Variants in AOAH observed in about 807,000 individuals in gnomAD.
AOAH encodes the protein acyloxyacyl hydrolase (neutrophil).
A neutral mutation model predicts 92.2 loss-of-function variants in AOAH; 64 were observed. The observed-to-expected ratio is 0.69, with a 90% CI of 0.57 to 0.86. The LOEUF is 0.86. Among genes scored for constraint, AOAH ranks in the 40% least tolerant of loss-of-function variants. The pLI is 0.00. For synonymous variants in AOAH, 263 were observed against 254.5 expected (o/e 1.03, Z -0.32); for missense variants, 656 against 694.6 (o/e 0.94, Z 0.62).
rs1237803756 is a variant in AOAH at position 36,522,233 on chromosome 7, G to T, written c.1523-118C>A. On this transcript the variant is annotated intron_variant, in intron 19 of 20. Transcript: ENST00000617537. The stretch of plus-strand genomic sequence containing the variant: ...CCGGGCCCATGTTGACCAAGCCACG[G>T]CTGCCTCTGAGCTGCTCTCTTGCAC... 1.4e-5 allele frequency: 11 copies of T among 805,144 alleles called. No homozygotes were observed. The East Asian group carries it at 2.9e-4, about 21-fold the overall frequency. 49.9% of individuals were successfully genotyped at this position (805,144 alleles called of 1,614,324 possible).
At chr7:36,549,090 C>T (rs1332822455) in intron 14 of AOAH, among the ~76,000 whole-genome samples, 1 of 152,170 alleles carries the variant, frequency 6.6e-6, no homozygotes, top group East Asian at 1.9e-4. Flanking sequence ...GCAAAGGCTT[C>T]TTGAGGCTTC....
chr7:36,581,465 G>A (rs2392449), intron 12 of AOAH, among the ~76,000 whole-genome samples: 66,844 of 152,002 alleles, frequency 0.44, 15,048 homozygotes, highest in Admixed American at 0.53. Flanking sequence ...TATACACTGC[G>A]TCACTTATGC....
chr7:36,588,504 G>C (rs1583883629), intron 12 of AOAH, among the ~76,000 whole-genome samples: 1 of 152,324 alleles, frequency 6.6e-6, no homozygotes, highest in East Asian at 1.9e-4. Flanking sequence ...CTAATCATTT[G>C]CAATTATATC....
chr7:36,678,589 GTGTGTGTGTGT>G (rs1562688078), intron 2 of AOAH, among the ~76,000 whole-genome samples: 1 of 137,042 alleles, frequency 7.3e-6, no homozygotes, highest in Non-Finnish European at 1.5e-5. Flanking sequence ...GTGTGTGTGT[GTGTGTGTGTGT>G]GCGCGCGCGC....
intron 13 of AOAH, among the ~76,000 whole-genome samples, chr7:36,563,771 A>G (rs1295908245): frequency 6.6e-6 from 1 of 152,178 alleles, no homozygotes; most frequent in East Asian, 1.9e-4. Context: ...CAGGAGAATG[A>G]TTTGTACAAT....
intron 2 of AOAH, among the ~76,000 whole-genome samples, chr7:36,675,555 T>C (rs904803994): frequency 6.6e-6 from 1 of 152,226 alleles, no homozygotes; most frequent in African/African-American, 2.4e-5. Context: ...ATAGGATTCA[T>C]TGGCAAATCT....
chr7:36,718,437 GA>G (rs1299841783), intron 1 of AOAH, among the ~76,000 whole-genome samples: 1 of 152,114 alleles, frequency 6.6e-6, no homozygotes, highest in Non-Finnish European at 1.5e-5. Flanking sequence ...GCATGCCCTA[GA>G]AATTCCACTC....
chr7:36,547,426 A>G (rs114759616), intron 15 of AOAH, among the ~76,000 whole-genome samples: 244 of 152,284 alleles, frequency 1.6e-3, no homozygotes, highest in African/African-American at 5.6e-3. Flanking sequence ...CTTTAATACT[A>G]TTGAGTTTTG....
intron 1 of AOAH, among the ~76,000 whole-genome samples, chr7:36,717,010 A>T (rs1799239260): frequency 6.6e-6 from 1 of 151,052 alleles, no homozygotes; most frequent in Admixed American, 6.6e-5. Flanking sequence ...ATAAATAAAT[A>T]AATAAATAAA....
At chr7:36,561,938 T>C (rs1051492035) in intron 13 of AOAH, among the ~76,000 whole-genome samples, 1 of 152,162 alleles carries the variant, frequency 6.6e-6, no homozygotes, top group African/African-American at 2.4e-5. Flanking sequence ...CAATTGGCTG[T>C]GAAAAATTTT....
At chr7:36,521,499 G>A (rs916468899) in intron 20 of AOAH, among the ~76,000 whole-genome samples, 1 of 152,198 alleles carries the variant, frequency 6.6e-6, no homozygotes, top group African/African-American at 2.4e-5. Flanking sequence ...GAGACCAGAG[G>A]AGAGCTACTT....
chr7:36,557,032 A>G (rs1583811720), intron 13 of AOAH, among the ~76,000 whole-genome samples: 1 of 151,490 alleles, frequency 6.6e-6, no homozygotes. Flanking sequence ...TCATTATGAT[A>G]TTAGCTGGTT....
rs147629311 is a variant in AOAH at position 36,638,272 on chromosome 7, G to A, written c.391-362C>T. ...CTCTGCTTCCTGACCCTTCTGCTACGCTGATCTCCATAAGCAACTTATCCT... is the reference window on the plus strand; with the variant it reads ...CTCTGCTTCCTGACCCTTCTGCTACACTGATCTCCATAAGCAACTTATCCT... On this transcript the variant is annotated intron_variant, in intron 4 of 20. Coordinates refer to ENST00000617537, the MANE Select transcript of AOAH (RefSeq NM_001637.4). Among the ~76,000 whole-genome samples the A allele has an allele frequency of 1.1e-3, 160 of 152,262 alleles. No homozygotes were observed. In the South Asian group the frequency reaches 0.011, roughly 10 times the overall value.
At chr7:36,578,039 T>C (rs79049997) in intron 12 of AOAH, among the ~76,000 whole-genome samples, 28,404 of 152,112 alleles carry the variant, frequency 0.19, 2,793 homozygotes, top group African/African-American at 0.23. Flanking sequence ...AGAAAACCAA[T>C]GATAGTGTTT....
chr7:36,660,205 G>T (rs1362830063), intron 3 of AOAH, among the ~76,000 whole-genome samples: 1 of 152,216 alleles, frequency 6.6e-6, no homozygotes, highest in South Asian at 2.1e-4. Context: ...TGAATAAACA[G>T]CTTTATTGCT....
chr7:36,672,499 TC>T (rs1388010223), intron 3 of AOAH, among the ~76,000 whole-genome samples: 3 of 152,148 alleles, frequency 2.0e-5, no homozygotes, highest in Admixed American at 2.0e-4. Context: ...AAACCATCAT[TC>T]TCAGTAAACT....
chr7:36,564,059 C>A (rs1026747029), intron 13 of AOAH, among the ~76,000 whole-genome samples: 1 of 152,204 alleles, frequency 6.6e-6, no homozygotes, highest in Non-Finnish European at 1.5e-5. Flanking sequence ...CCTCCAGTTT[C>A]AAAGCCTGAC....
At chr7:36,594,952 G>A (rs1366087207) in intron 11 of AOAH, among the ~76,000 whole-genome samples, 8 of 152,178 alleles carry the variant, frequency 5.3e-5, no homozygotes, top group South Asian at 4.2e-4. Flanking sequence ...AAAAATGCAC[G>A]TGTATTTAAC....
intron 6 of AOAH, among the ~76,000 whole-genome samples, chr7:36,630,378 G>A (rs3847012): frequency 0.81 from 122,979 of 152,230 alleles, 50,053 homozygotes; most frequent in Non-Finnish European, 0.86. Flanking sequence ...GAGCTCCTGC[G>A]GGAGAGGAAG....
Sources: allele counts gnomAD v4.1 joint callset (sites outside exome capture counted in the v4.1 genomes callset), GRCh38; gene constraint gnomAD v4.1.1; transcripts MANE v1.5; gene names NCBI Gene and HGNC (gene_info 2026-07-23, HGNC 2026-07-21).